Variants in ARHGAP39 observed in about 807,000 individuals in gnomAD.
The protein encoded by ARHGAP39 is rho GTPase-activating protein 39.
In ARHGAP39, 44 loss-of-function variants were observed where a neutral mutation model predicts 106.9. The observed-to-expected ratio is 0.41, with a 90% CI of 0.32 to 0.53. The LOEUF (loss-of-function observed/expected upper bound fraction) is 0.53. Ranked by LOEUF, ARHGAP39 falls within the 20% of genes least tolerant of loss-of-function variation. The pLI is 0.21. For synonymous variants in ARHGAP39, 768 were observed against 693.2 expected (o/e 1.11, Z -1.69); for missense variants, 1,496 against 1,577.3 (o/e 0.95, Z 0.87).
chr8:144,683,879 G>A (rs1822499524), intron 1 of ARHGAP39, among the ~76,000 whole-genome samples: 1 of 152,136 alleles, frequency 6.6e-6, no homozygotes, highest in Non-Finnish European at 1.5e-5. Flanking sequence ...CACCCCGGAA[G>A]CACCAGATCT....
At chr8:144,531,250 C>A (rs796892698) in intron 10 of ARHGAP39, among the ~76,000 whole-genome samples, 1,834 of 64,750 alleles carry the variant, frequency 0.028, 85 homozygotes, top group South Asian at 0.06. Flanking sequence ...CACAGGGCAG[C>A]GAGCAGCAGG....
chr8:144,598,128 C>T (rs769113713), intron 2 of ARHGAP39, among the ~76,000 whole-genome samples: 25 of 152,306 alleles, frequency 1.6e-4, no homozygotes, highest in African/African-American at 3.6e-4. Context: ...AGAGGGCGCC[C>T]GGCATGGCCT....
At chr8:144,599,278 A>G (rs112341332) in intron 2 of ARHGAP39, among the ~76,000 whole-genome samples, 20 of 152,324 alleles carry the variant, frequency 1.3e-4, no homozygotes, top group African/African-American at 4.3e-4. Context: ...GGCCAACACA[A>G]GACTGAGGCA....
intron 1 of ARHGAP39, among the ~76,000 whole-genome samples, chr8:144,620,516 C>T (rs1036332979): frequency 2.7e-5 from 4 of 146,242 alleles, no homozygotes; most frequent in Admixed American, 6.8e-5. Context: ...CACGTGTGCC[C>T]GTGTGAGCCT....
chr8:144,697,569 G>C, the ARHGAP39 span, among the ~76,000 whole-genome samples: 76 of 151,900 alleles, frequency 5.0e-4, no homozygotes, highest in African/African-American at 1.8e-3. Flanking sequence ...GCCCAGGCTG[G>C]AGTGCAATGG....
At chr8:144,678,363 A>G (rs1464743121) in intron 1 of ARHGAP39, among the ~76,000 whole-genome samples, 2 of 152,202 alleles carry the variant, frequency 1.3e-5, no homozygotes, top group Non-Finnish European at 2.9e-5. Context: ...TGCAGTGACC[A>G]AAAGCACCAC....
intron 3 of ARHGAP39, among the ~76,000 whole-genome samples, chr8:144,578,884 AC>A (rs1195469200): frequency 2.0e-5 from 3 of 151,140 alleles, no homozygotes; most frequent in Non-Finnish European, 4.4e-5. Context: ...AACAACAAAA[AC>A]CTTTGTTTTT....
chr8:144,685,528 C>T (rs1822565557), intron 1 of ARHGAP39, among the ~76,000 whole-genome samples, 158 bp downstream of exon 1: 1 of 148,774 alleles, frequency 6.7e-6, no homozygotes, highest in Non-Finnish European at 1.5e-5. Context: ...CCAGTCACAG[C>T]CCCTCCCGCC....
chr8:144,667,629 G>A (rs1297395957), intron 1 of ARHGAP39, among the ~76,000 whole-genome samples: 1 of 152,220 alleles, frequency 6.6e-6, no homozygotes, highest in Non-Finnish European at 1.5e-5. Context: ...GGAGATGACA[G>A]GACAGGAGAA....
At position 144,670,844 on chromosome 8, in the gene ARHGAP39, ACAAACGCTTTAC is replaced by A. The variant is rs1822083974; in HGVS notation, c.-82+14830_-82+14841del. 6.6e-6 allele frequency among the ~76,000 whole-genome samples: 1 copy of A among 152,188 alleles called. No individual in the cohort carries two copies. The highest frequency in any genetic ancestry group is 2.1e-4 in the South Asian group (1 of 4,830). On this transcript the variant is annotated intron_variant, in intron 1 of 11. Transcript: ENST00000377307. This position sits in a 1 kb window ranked among gnomAD's most constrained non-coding sequence, Gnocchi z 4.4. ...TGCACTAGACTCTGAGCTTCAAGAG[ACAAACGCTTTAC>A]CCCTGCACTGCCAGCCCCGAGCACC...
Position 144,631,868 on chromosome 8 carries a change from G to A in ARHGAP39, c.-81-26173C>T, listed in dbSNP as rs79227394. On this transcript the variant is annotated intron_variant, in intron 1 of 11. Transcript: ENST00000377307. ...TCCACACCGGGCAGGGCAACTGTCA[G>A]TGTCAAGAACTGAGAGCAAGAGTCT... Among the ~76,000 whole-genome samples, 81 of 152,372 alleles carry A rather than the reference G, an allele frequency of 5.3e-4. No homozygotes were observed. The East Asian group carries it at 0.014, about 27-fold the overall frequency.
At chr8:144,618,541 C>T (rs948260671) in intron 1 of ARHGAP39, among the ~76,000 whole-genome samples, 4 of 152,262 alleles carry the variant, frequency 2.6e-5, no homozygotes, top group African/African-American at 9.6e-5. Flanking sequence ...GGGGTTGCTG[C>T]CTGCAGAGGT....
At chr8:144,674,448 G>A (rs1418872488) in intron 1 of ARHGAP39, among the ~76,000 whole-genome samples, 1 of 152,232 alleles carries the variant, frequency 6.6e-6, no homozygotes, top group African/African-American at 2.4e-5. Flanking sequence ...GTCTGGCTGA[G>A]TCCAGGGTTT....
At chr8:144,633,938 C>G (rs1205010170) in intron 1 of ARHGAP39, among the ~76,000 whole-genome samples, 6 of 152,280 alleles carry the variant, frequency 3.9e-5, no homozygotes, top group African/African-American at 1.2e-4. Flanking sequence ...AATACAAGTT[C>G]TGCAGTCAGT....
At chr8:144,565,297 C>T (rs1003182557) in intron 3 of ARHGAP39, among the ~76,000 whole-genome samples, 7 of 151,764 alleles carry the variant, frequency 4.6e-5, no homozygotes, top group Non-Finnish European at 1.0e-4. Flanking sequence ...AAACCAAACC[C>T]ACCACTAGAA....
intron 1 of ARHGAP39, among the ~76,000 whole-genome samples, chr8:144,622,675 T>C (rs932520750): frequency 4.6e-5 from 7 of 152,188 alleles, no homozygotes; most frequent in Non-Finnish European, 8.8e-5. Context: ...CAAACAAGCA[T>C]TACTACCAGG....
At chr8:144,556,478 A>G (rs897556208) in intron 3 of ARHGAP39, among the ~76,000 whole-genome samples, 5 of 152,176 alleles carry the variant, frequency 3.3e-5, no homozygotes, top group Admixed American at 6.5e-5. Flanking sequence ...AGTAGAAGAA[A>G]ATTTACTTAA....
chr8:144,570,195 C>T (rs1184815864), intron 3 of ARHGAP39, among the ~76,000 whole-genome samples: 1 of 152,110 alleles, frequency 6.6e-6, no homozygotes, highest in Admixed American at 6.5e-5. Context: ...CACCCCAGCC[C>T]GAGTGACAAG....
upstream of ARHGAP39, among the ~76,000 whole-genome samples, chr8:144,688,496 C>G (rs746437769): frequency 3.3e-5 from 5 of 152,198 alleles, no homozygotes; most frequent in Non-Finnish European, 5.9e-5. Context: ...GCTGTAATCC[C>G]ATCGTTTTTC....
Sources: gnomAD v4.1 joint callset for allele counts (sites outside exome capture counted in the v4.1 genomes callset) on GRCh38, gnomAD v4.1.1 for gene constraint, Gnocchi (gnomAD v3.1) non-coding constraint, MANE v1.5 for transcripts, NCBI Gene and HGNC (gene_info 2026-07-23, HGNC 2026-07-21) for gene names.